PLEKHH2: variants seen among roughly 807,000 people sequenced by gnomAD.
PLEKHH2 encodes pleckstrin homology, MyTH4 and FERM domain containing H2.
PLEKHH2 carries 129 observed loss-of-function variants against 187.9 expected under a neutral mutation model. The ratio of observed to expected loss-of-function variants is 0.69; its 90% confidence interval spans 0.59 to 0.79. The LOEUF (loss-of-function observed/expected upper bound fraction) is 0.79. Ranked by LOEUF, PLEKHH2 falls within the 30% of genes least tolerant of loss-of-function variation. PLEKHH2 has a pLI of 0.00. For missense variants in PLEKHH2, 2,076 were observed against 1,751.2 expected (o/e 1.19, Z -3.31); for synonymous variants, 686 against 605.6 (o/e 1.13, Z -1.95).
At chr2:43,653,955 T>A (rs1274440529) in intron 2 of PLEKHH2, among the ~76,000 whole-genome samples, 1 of 152,196 alleles carries the variant, frequency 6.6e-6, no homozygotes, top group Non-Finnish European at 1.5e-5. Flanking sequence ...AGGTAAGATA[T>A]AAACATATTG....
rs1184726910 is a variant in PLEKHH2 at position 43,699,823 on chromosome 2, G to C, written c.865G>C (p.Asp289His). The part of the protein sequence containing the change: ...SGAPVSDWSS[D>H]EEDGSKGRSK... Reference sequence around the variant, plus strand: ...GGCTCCTGTGAGTGACTGGAGCTCTGATGAGGAAGACGGGAGCAAAGGAAG... The same window carrying C: ...GGCTCCTGTGAGTGACTGGAGCTCTCATGAGGAAGACGGGAGCAAAGGAAG... The change falls in exon 8 of 30, where the codon GAT becomes CAT. Residue 289 changes from aspartate (D) to histidine (H), a missense_variant. Asp to His is a moderately conservative substitution (Grantham distance 81). Coordinates refer to ENST00000282406, the MANE Select transcript of PLEKHH2 (RefSeq NM_172069.4). 1 of 1,611,838 alleles carries C rather than the reference G, an allele frequency of 6.2e-7. No individual in the cohort carries two copies. The highest frequency in any genetic ancestry group is 8.5e-7 in the Non-Finnish European group (1 of 1,177,924).
Position 43,758,930 on chromosome 2 carries a change from G to T in PLEKHH2, c.3972G>T (p.Trp1324Cys). 1 of 1,597,452 alleles carries T rather than the reference G, an allele frequency of 6.3e-7. No individual in the cohort carries two copies. Among genetic ancestry groups the T allele is most frequent in the Non-Finnish European group, 8.6e-7 (1 of 1,169,114 alleles). Residue 1324 changes from tryptophan (W) to cysteine (C), a missense_variant, in exon 27 of 30, where the codon TGG becomes TGT. Coordinates refer to ENST00000282406, the MANE Select transcript of PLEKHH2 (RefSeq NM_172069.4). The part of the protein sequence containing the change: ...RQLCQRLSTR[W>C]MALRGHSAAD... ...TTTGCCAGCGACTTTCAACCAGATG[G>T]ATGGCCCTCCGGGGACACAGTGCTG...
intron 28 of PLEKHH2, among the ~76,000 whole-genome samples, chr2:43,762,786 A>G (rs1363833665): frequency 1.3e-5 from 2 of 152,238 alleles, no homozygotes; most frequent in Non-Finnish European, 2.9e-5. Context: ...AACAATTTCT[A>G]TAATTTCCTA....
At chr2:43,693,423 A>G (rs1668919973) in intron 4 of PLEKHH2, among the ~76,000 whole-genome samples, 1 of 152,160 alleles carries the variant, frequency 6.6e-6, no homozygotes, top group African/African-American at 2.4e-5. Context: ...GAACCACTTT[A>G]TTGGAATCAA....
chr2:43,731,189 T>A lies in PLEKHH2; in HGVS notation c.2831-301T>A, dbSNP rs562043451. Among the ~76,000 whole-genome samples, 3 of 152,038 alleles carry A rather than the reference T, an allele frequency of 2.0e-5. No individual in the cohort carries two copies. The East Asian group carries it at 5.8e-4, about 29-fold the overall frequency. On this transcript the variant is annotated intron_variant, in intron 18 of 29. Coordinates refer to ENST00000282406, the MANE Select transcript of PLEKHH2 (RefSeq NM_172069.4). ...CAGTATATACTGCTTGGGTGATGGG[T>A]GCACCAAAATCTCACAAATCACTAA... is the stretch of plus-strand genomic sequence containing the variant.
Position 43,729,719 on chromosome 2 carries a change from A to T in PLEKHH2, c.2804A>T (p.Lys935Ile), listed in dbSNP as rs749102753. The T allele has an allele frequency of 6.2e-6, 10 of 1,606,240 alleles. No homozygotes were observed. The East Asian group carries it at 2.0e-4, about 32-fold the overall frequency. ...VGSEFEQLVCKLLNIDGEPSS... is the reference protein window; with the variant it reads ...VGSEFEQLVCILLNIDGEPSS... Reference sequence around the variant, plus strand: ...TCTGAATTTGAACAACTGGTTTGCAAATTGCTAAATATAGACGGGGAGCCT... The same window carrying T: ...TCTGAATTTGAACAACTGGTTTGCATATTGCTAAATATAGACGGGGAGCCT... Residue 935 changes from lysine to isoleucine, a missense_variant, in exon 18 of 30, where the codon AAA becomes ATA. Physicochemically the swap from Lys to Ile is moderately radical, Grantham distance 102. Coordinates refer to ENST00000282406, the MANE Select transcript of PLEKHH2 (RefSeq NM_172069.4).
intron 23 of PLEKHH2, among the ~76,000 whole-genome samples, chr2:43,744,304 TTATTC>T (rs1176443705): frequency 6.6e-6 from 1 of 152,202 alleles, no homozygotes; most frequent in African/African-American, 2.4e-5. Context: ...TTTTTTCCAT[TTATTC>T]AGCAATACTT....
rs144087056 is a variant in PLEKHH2 at position 43,703,389 on chromosome 2, A to G, written c.1651-592A>G. Among the ~76,000 whole-genome samples, 833 of 152,312 alleles carry G rather than the reference A, an allele frequency of 5.5e-3. 13 individuals are homozygous for G. Among genetic ancestry groups the G allele is most frequent in the African/African-American group, 0.019 (784 of 41,572 alleles). The stretch of plus-strand genomic sequence containing the variant: ...TAATATAAATTCCATTGCAATTCTC[A>G]TATTCATTTCTTGTTTGACTTTAGG... On this transcript the variant is annotated intron_variant, in intron 8 of 29. Transcript: ENST00000282406.
intron 24 of PLEKHH2, among the ~76,000 whole-genome samples, chr2:43,751,179 T>C (rs73923867): frequency 0.038 from 5,844 of 152,308 alleles, 204 homozygotes; most frequent in African/African-American, 0.09. Context: ...AAATGCTTTG[T>C]AGATATTTGT....
chr2:43,725,025 G>C lies in PLEKHH2; in HGVS notation c.2542-1247G>C, dbSNP rs776041583. 1.5e-4 allele frequency among the ~76,000 whole-genome samples: 23 copies of C among 152,304 alleles called. 1 individual carries two copies. Among genetic ancestry groups the C allele is most frequent in the Admixed American group, 1.2e-3 (19 of 15,298 alleles). On this transcript the variant is annotated intron_variant, in intron 16 of 29. Transcript: ENST00000282406. ...AAGAACACCTCTCCATCACAGAGAA[G>C]GGTCCCGAGTGGGTTGCCAATTTGT...
At chr2:43,701,859 C>G (rs1669388735) in intron 8 of PLEKHH2, among the ~76,000 whole-genome samples, 1 of 151,802 alleles carries the variant, frequency 6.6e-6, no homozygotes, top group Admixed American at 6.6e-5. Flanking sequence ...CCTCTGCCAC[C>G]TGGGTTCAGG....
chr2:43,657,264 C>G (rs899419109), intron 2 of PLEKHH2, among the ~76,000 whole-genome samples: 4 of 152,120 alleles, frequency 2.6e-5, no homozygotes, highest in African/African-American at 4.8e-5. Context: ...CCTGGCCTCC[C>G]ATCTCAGCCC....
At chr2:43,697,447 TA>T in intron 7 of PLEKHH2, 91 bp downstream of exon 7, 1 of 1,059,016 alleles carries the variant, frequency 9.4e-7, no homozygotes, top group Non-Finnish European at 1.3e-6. Flanking sequence ...TAATTTTCCT[TA>T]TTTTTTTCTG....
chr2:43,714,960 C>T (rs1670144014), intron 15 of PLEKHH2, among the ~76,000 whole-genome samples: 1 of 152,040 alleles, frequency 6.6e-6, no homozygotes. Context: ...AGGGGTGGTA[C>T]TCTAGGCTAG....
rs1357544878 is a variant in PLEKHH2 at position 43,697,187 on chromosome 2, G to C, written c.519G>C (p.Lys173Asn). ...ATGTTGTAGAAGTTCAAGGAAAGAA[G>C]TCATCCACTGTCTCTACACTAAAGC... ...QSKLQEVQGK[K>N]SSTVSTLKLS... The change falls in exon 7 of 30, where the codon AAG (lysine) becomes AAC (asparagine). Residue 173 changes from lysine to asparagine, a missense_variant. Lys to Asn is a moderately conservative substitution (Grantham distance 94). Coordinates refer to ENST00000282406, the MANE Select transcript of PLEKHH2 (RefSeq NM_172069.4). 20 of 1,577,618 alleles carry C rather than the reference G, an allele frequency of 1.3e-5. No individual in the cohort carries two copies. The highest frequency in any genetic ancestry group is 1.7e-5 in the Non-Finnish European group (20 of 1,166,670).
intron 14 of PLEKHH2, chr2:43,711,850 C>A (rs577269141): frequency 1.4e-6 from 1 of 709,270 alleles, no homozygotes; most frequent in Non-Finnish European, 1.8e-6. Context: ...GCCAAGATGG[C>A]GCCACTGCAC....
intron 2 of PLEKHH2, among the ~76,000 whole-genome samples, chr2:43,677,413 C>A (rs1013748440): frequency 2.6e-5 from 4 of 152,124 alleles, no homozygotes; most frequent in Admixed American, 2.6e-4. Context: ...AACGAGCATG[C>A]TGCCTTCAAG....
At chr2:43,727,526 T>C (rs1450994523) in intron 17 of PLEKHH2, among the ~76,000 whole-genome samples, 1 of 152,052 alleles carries the variant, frequency 6.6e-6, no homozygotes, top group Non-Finnish European at 1.5e-5. Flanking sequence ...ATCATAAATA[T>C]GACTAAAAAG....
chr2:43,735,418 G>T (rs1424583301), intron 19 of PLEKHH2, among the ~76,000 whole-genome samples: 2 of 152,136 alleles, frequency 1.3e-5, no homozygotes, highest in African/African-American at 4.8e-5. Flanking sequence ...GGTTACCAGA[G>T]GCTGGGTAGT....
Sources: allele counts gnomAD v4.1 joint callset (sites outside exome capture counted in the v4.1 genomes callset), GRCh38; gene constraint gnomAD v4.1.1; transcripts MANE v1.5; gene names NCBI Gene and HGNC (gene_info 2026-07-23, HGNC 2026-07-21).